Variants in STK3 observed in about 807,000 individuals in gnomAD.
The protein encoded by STK3 is serine/threonine kinase 3.
A neutral mutation model predicts 58.0 loss-of-function variants in STK3; 41 were observed. The observed-to-expected ratio is 0.71, with a 90% CI of 0.55 to 0.92. STK3 has a LOEUF of 0.92. Among genes scored for constraint, STK3 ranks in the 40% least tolerant of loss-of-function variants. The pLI is 0.00. For synonymous variants in STK3, 170 were observed against 191.0 expected, an observed-to-expected ratio of 0.89 and a Z score of 0.91; for missense variants, 479 against 602.7, an observed-to-expected ratio of 0.79 and a Z score of 2.15.
chr8:98,893,522 AAG>A (rs1159872663), intron 1 of STK3, among the ~76,000 whole-genome samples: 2 of 150,068 alleles, frequency 1.3e-5, no homozygotes, highest in Non-Finnish European at 3.0e-5. Context: ...GAAAGAAAGA[AAG>A]AAAGAAAGAA....
intron 3 of STK3, among the ~76,000 whole-genome samples, chr8:98,424,430 G>A (rs1008848379): frequency 6.6e-6 from 1 of 152,148 alleles, no homozygotes; most frequent in African/African-American, 2.4e-5. Context: ...AGAGAGGGAG[G>A]AAGGTAGGAG....
chr8:98,825,382 C>T, intron 1 of STK3, 133 bp downstream of exon 1: 1 of 784,156 alleles, frequency 1.3e-6, no homozygotes, highest in Non-Finnish European at 1.7e-6. Context: ...TCGGACCCGC[C>T]TCCCGACCTC....
At chr8:98,533,131 T>A (rs1449712121) in intron 9 of STK3, among the ~76,000 whole-genome samples, 1 of 152,170 alleles carries the variant, frequency 6.6e-6, no homozygotes, top group Non-Finnish European at 1.5e-5. Flanking sequence ...TTTTCTACTT[T>A]TGTTGAATAA....
At chr8:98,853,939 A>G (rs888686163) in intron 3 of STK3, among the ~76,000 whole-genome samples, 1 of 152,126 alleles carries the variant, frequency 6.6e-6, no homozygotes, top group Admixed American at 6.6e-5. Flanking sequence ...ATTTTTCACA[A>G]ACTCTTCCAA....
chr8:98,427,201 C>G (rs1818248782), intron 3 of STK3: 1 of 149,656 alleles, frequency 6.7e-6, no homozygotes, highest in South Asian at 2.1e-4. Flanking sequence ...CCCCGCCCGC[C>G]GGCCCGCCGG....
chr8:98,592,133 C>A (rs1815367341), intron 7 of STK3, among the ~76,000 whole-genome samples: 1 of 152,130 alleles, frequency 6.6e-6, no homozygotes. Flanking sequence ...TTCTTACATT[C>A]TCTTGTTTAC....
intron 10 of STK3, among the ~76,000 whole-genome samples, chr8:98,474,143 C>G (rs76105224): frequency 1.8e-4 from 28 of 152,252 alleles, no homozygotes; most frequent in East Asian, 1.4e-3. Context: ...TACTACTTAC[C>G]AAGATATGTC....
At chr8:98,933,106 T>C (rs1840062563) in intron 1 of STK3, among the ~76,000 whole-genome samples, 1 of 152,204 alleles carries the variant, frequency 6.6e-6, no homozygotes, top group Non-Finnish European at 1.5e-5. Context: ...TCAGACCAAG[T>C]TACATGGCCT....
At position 98,589,685 on chromosome 8, in the gene STK3, C is replaced by T. The variant is rs4574821; in HGVS notation, c.822+6347G>A. Among the ~76,000 whole-genome samples the T allele has an allele frequency of 2.0e-5, 3 of 152,204 alleles. 1 individual carries two copies. Among genetic ancestry groups the T allele is most frequent in the Admixed American group, 1.3e-4 (2 of 15,280 alleles). On this transcript the variant is annotated intron_variant, in intron 7 of 10. Transcript: ENST00000419617. ...AGCAAGCCTGGGCAATGGCGGGCGC[C>T]CCTCCCCCAGCCTAGCTGCTGCCTT...
At chr8:98,559,129 T>C (rs1338549446) in intron 8 of STK3, among the ~76,000 whole-genome samples, 2 of 152,164 alleles carry the variant, frequency 1.3e-5, no homozygotes, top group African/African-American at 4.8e-5. Flanking sequence ...AATTATTAAA[T>C]GCAAATACAT....
At chr8:98,599,002 A>G (rs997157522) in intron 6 of STK3, 9 of 612,514 alleles carry the variant, frequency 1.5e-5, no homozygotes, top group Non-Finnish European at 1.8e-5. Context: ...ATGAGAATCA[A>G]CAATGACTGA....
chr8:98,883,539 C>T (rs1048288589), downstream of STK3: 2 of 594,782 alleles, frequency 3.4e-6, no homozygotes, highest in Non-Finnish European at 6.0e-6. Context: ...ATCAATTTAA[C>T]ATAAATAAAA....
intron 7 of STK3, among the ~76,000 whole-genome samples, chr8:98,580,615 GTTTA>G (rs1265103752): frequency 1.3e-5 from 2 of 152,158 alleles, no homozygotes; most frequent in African/African-American, 2.4e-5. Flanking sequence ...TGAGTTATTT[GTTTA>G]TTTGTTTGTT....
chr8:98,618,483 G>T (rs1169828523), intron 6 of STK3, among the ~76,000 whole-genome samples: 8 of 151,968 alleles, frequency 5.3e-5, no homozygotes, highest in South Asian at 4.2e-4. Flanking sequence ...GCAGGAGAAG[G>T]AAATAAAGGG....
At chr8:98,645,836 A>G (rs1326106255) in intron 6 of STK3, among the ~76,000 whole-genome samples, 1 of 152,124 alleles carries the variant, frequency 6.6e-6, no homozygotes, top group Admixed American at 6.5e-5. Flanking sequence ...ATAGATATAG[A>G]TACAGATATA....
rs529520136 is a variant in STK3, at chr8:98,585,357, T to C, written c.823-5568A>G. On this transcript the variant is annotated intron_variant, in intron 7 of 10. Transcript: ENST00000419617. ...GCACCATTTATTAAATAGGGAATCCTTTCCCCATTGCTTGTTTTTCTCAGG... is the reference window on the plus strand; with the variant it reads ...GCACCATTTATTAAATAGGGAATCCCTTCCCCATTGCTTGTTTTTCTCAGG... Among the ~76,000 whole-genome samples the C allele has an allele frequency of 5.8e-3, 887 of 152,300 alleles. 7 individuals are homozygous for C. Among genetic ancestry groups the C allele is most frequent in the Non-Finnish European group, 0.01 (692 of 68,036 alleles).
intron 3 of STK3, among the ~76,000 whole-genome samples, chr8:98,414,093 G>A (rs552870935): frequency 3.3e-5 from 5 of 152,148 alleles, no homozygotes; most frequent in South Asian, 2.1e-4. Context: ...GTGAAACCCC[G>A]TCTCTACTAA....
chr8:98,875,033 A>T (rs577490652), intron 3 of STK3, among the ~76,000 whole-genome samples: 2 of 152,342 alleles, frequency 1.3e-5, no homozygotes, highest in African/African-American at 4.8e-5. Flanking sequence ...TTACCCAGTG[A>T]GTGTTTGCAC....
chr8:98,374,135 T>C (rs935366264), intron 2 of STK3, among the ~76,000 whole-genome samples: 2 of 152,108 alleles, frequency 1.3e-5, no homozygotes, highest in African/African-American at 4.8e-5. Context: ...TTCAGAAGCG[T>C]GATGAAGGGA....
Sources: allele counts gnomAD v4.1 joint callset (sites outside exome capture counted in the v4.1 genomes callset), GRCh38; gene constraint gnomAD v4.1.1; transcripts MANE v1.5; gene names NCBI Gene and HGNC (gene_info 2026-07-23, HGNC 2026-07-21).